Variants in TECPR2 observed in about 807,000 individuals in gnomAD.
TECPR2 encodes the protein tectonin beta-propeller repeat-containing protein 2.
Under a neutral mutation model 138.1 loss-of-function variants are expected in TECPR2, and 65 were observed. That is an observed-to-expected ratio of 0.47 (90% confidence interval 0.39 to 0.58). TECPR2 has a LOEUF of 0.58. Ranked by LOEUF, TECPR2 falls within the 20% of genes least tolerant of loss-of-function variation. TECPR2 has a pLI of 0.00. For missense variants in TECPR2, 1,553 were observed against 1,824.5 expected (o/e 0.85, Z 2.71); for synonymous variants, 746 against 749.8 (o/e 0.99, Z 0.08).
chr14:102,408,993 G>C (rs760590844), intron 4 of TECPR2, among the ~76,000 whole-genome samples: 34 of 152,346 alleles, frequency 2.2e-4, no homozygotes, highest in Non-Finnish European at 3.8e-4. Context: ...CCTGGCCTGT[G>C]TGAGATGACC....
chr14:102,433,443 G>A (rs565747602), intron 8 of TECPR2, among the ~76,000 whole-genome samples: 6 of 151,982 alleles, frequency 3.9e-5, no homozygotes, highest in Non-Finnish European at 8.8e-5. Flanking sequence ...TTAGGATTAC[G>A]GCCAGCGGTT....
In TECPR2 at chr14:102,443,845, A is replaced by T; in HGVS notation, c.2933+18A>T. ...ATTGTCAGGTACTGGCGGGCCAGAG[A>T]CTCCTTTCACATCGTGCTTGTCCTA... On this transcript the variant is annotated intron_variant, in intron 12 of 19. Transcript: ENST00000359520. The surrounding 1 kb of genome is among the most constrained non-coding windows in gnomAD (Gnocchi z 4.9). 6.5e-7 allele frequency: 1 copy of T among 1,534,560 alleles called. No homozygotes were observed. The highest frequency in any genetic ancestry group is 8.9e-7 in the Non-Finnish European group (1 of 1,128,542).
chr14:102,495,998 G>T (rs1172756163), intron 17 of TECPR2, among the ~76,000 whole-genome samples: 1 of 152,256 alleles, frequency 6.6e-6, no homozygotes, highest in African/African-American at 2.4e-5. Flanking sequence ...TGTGCGGCCA[G>T]AGTGTGGCAC....
At chr14:102,377,186 C>T (rs752155687) in intron 2 of TECPR2, among the ~76,000 whole-genome samples, 3 of 152,186 alleles carry the variant, frequency 2.0e-5, no homozygotes, top group Admixed American at 6.5e-5. Flanking sequence ...GACAGCGTCT[C>T]GCTCTGTTGT....
chr14:102,416,224 C>T (rs548505509), intron 5 of TECPR2, among the ~76,000 whole-genome samples: 56 of 152,126 alleles, frequency 3.7e-4, no homozygotes, highest in Non-Finnish European at 7.1e-4. Context: ...TGGGTTCAAG[C>T]GATTCTCCTG....
chr14:102,408,504 T>TC lies in TECPR2; in HGVS notation c.366dup (p.Thr123HisfsTer7). The TC allele has an allele frequency of 6.2e-7, 1 of 1,605,140 alleles. No individual in the cohort carries two copies. Among genetic ancestry groups the TC allele is most frequent in the South Asian group, 1.1e-5 (1 of 88,582 alleles). ...TGTTCATAGCTTCGGAGATTTGATG[T>TC]CACTGGTATTCACAAAAATAGCATT... On this transcript the variant is annotated frameshift_variant, in exon 4 of 20. Coordinates refer to ENST00000359520, the MANE Select transcript of TECPR2 (RefSeq NM_014844.5). LOFTEE classifies it high-confidence loss of function.
At chr14:102,451,701 C>T (rs557797728) in intron 15 of TECPR2, among the ~76,000 whole-genome samples, 2 of 152,284 alleles carry the variant, frequency 1.3e-5, no homozygotes, top group East Asian at 1.9e-4. Flanking sequence ...AATTCCAAAA[C>T]GTGGCCACAA....
At chr14:102,452,857 C>T (rs1358370881) in intron 16 of TECPR2, among the ~76,000 whole-genome samples, 2 of 152,266 alleles carry the variant, frequency 1.3e-5, no homozygotes, top group African/African-American at 2.4e-5. Flanking sequence ...TGTCAGAACC[C>T]GAGGAGGGTG....
In TECPR2 at chr14:102,443,657, G is replaced by C; in HGVS notation, c.2763G>C (p.Val921=). The change falls in exon 12 of 20, where the codon GTG becomes GTC. Residue 921 remains valine (V), a synonymous_variant. Transcript: ENST00000359520. The surrounding 1 kb of genome is among the most constrained non-coding windows in gnomAD (Gnocchi z 4.9). ...GDLYLQTGLS[V]DRPCARAVKV... Reference sequence around the variant, plus strand: ...CCATCTTCCTGGCAGGTCTGAGCGTGGATCGCCCTTGTGCCAGAGCCGTAA... The same window carrying C: ...CCATCTTCCTGGCAGGTCTGAGCGTCGATCGCCCTTGTGCCAGAGCCGTAA... 6.3e-7 allele frequency: 1 copy of C among 1,591,262 alleles called. No individual in the cohort carries two copies. Among genetic ancestry groups the C allele is most frequent in the Non-Finnish European group, 8.6e-7 (1 of 1,163,512 alleles).
At chr14:102,412,243 C>T (rs983498332) in intron 4 of TECPR2, among the ~76,000 whole-genome samples, 1 of 151,694 alleles carries the variant, frequency 6.6e-6, no homozygotes, top group Non-Finnish European at 1.5e-5. Context: ...GTGATTCCCC[C>T]ACCTTGGCCT....
In TECPR2 at chr14:102,452,519, C is replaced by G; in HGVS notation, c.3532C>G (p.Gln1178Glu). ...EAEMRAYAAC[Q>E]DALWALDSLG... ...CGAGATGCGCGCCTATGCCGCCTGC[C>G]AGGATGCGCTGTGGGCGCTGGACAG... The change falls in exon 16 of 20, where the codon CAG (glutamine) becomes GAG (glutamate). Residue 1178 changes from glutamine to glutamate, a missense_variant. Transcript: ENST00000359520. The G allele has an allele frequency of 6.2e-7, 1 of 1,612,706 alleles. No individual in the cohort carries two copies. Among genetic ancestry groups the G allele is most frequent in the Non-Finnish European group, 8.5e-7 (1 of 1,179,742 alleles).
At chr14:102,403,680 A>C (rs1185126319) in intron 2 of TECPR2, among the ~76,000 whole-genome samples, 1 of 152,242 alleles carries the variant, frequency 6.6e-6, no homozygotes, top group Non-Finnish European at 1.5e-5. Context: ...ACATAGTAGC[A>C]GCATACAAAG....
At chr14:102,396,264 G>C (rs368064805) in intron 2 of TECPR2, among the ~76,000 whole-genome samples, 1 of 151,964 alleles carries the variant, frequency 6.6e-6, no homozygotes, top group Non-Finnish European at 1.5e-5. Flanking sequence ...CACCACGCCA[G>C]GCTAGTTTTT....
intron 17 of TECPR2, among the ~76,000 whole-genome samples, chr14:102,492,640 G>A (rs1210019275): frequency 3.9e-5 from 6 of 152,240 alleles, no homozygotes; most frequent in Non-Finnish European, 8.8e-5. Flanking sequence ...CTGGGCAGAC[G>A]TGGCCTCCTC....
chr14:102,397,962 A>G (rs1441444392), intron 2 of TECPR2, among the ~76,000 whole-genome samples: 1 of 150,848 alleles, frequency 6.6e-6, no homozygotes, highest in African/African-American at 2.4e-5. Flanking sequence ...AGTCTCAGCT[A>G]CTCAGGAGGC....
chr14:102,423,416 A>G (rs1889236232), intron 5 of TECPR2, among the ~76,000 whole-genome samples: 1 of 152,074 alleles, frequency 6.6e-6, no homozygotes, highest in Admixed American at 6.5e-5. Context: ...CATCCTGGAC[A>G]ACAAGAGCAA....
chr14:102,417,405 C>T (rs560858584), intron 5 of TECPR2, among the ~76,000 whole-genome samples: 1 of 152,292 alleles, frequency 6.6e-6, no homozygotes, highest in Non-Finnish European at 1.5e-5. Context: ...GGCCTCTGCC[C>T]TCAAACACAA....
At chr14:102,480,849 T>G (rs1236421608) in intron 17 of TECPR2, among the ~76,000 whole-genome samples, 3 of 123,198 alleles carry the variant, frequency 2.4e-5, no homozygotes, top group South Asian at 2.9e-4. Context: ...GGGTTTTTTT[T>G]TTTTTTTTTT....
intron 1 of TECPR2, among the ~76,000 whole-genome samples, chr14:102,374,878 T>C (rs937013131): frequency 2.0e-5 from 3 of 152,174 alleles, no homozygotes; most frequent in African/African-American, 7.2e-5. Flanking sequence ...AAATACTTGC[T>C]GAATGCCTCT....
Sources: gnomAD v4.1 joint callset for allele counts (sites outside exome capture counted in the v4.1 genomes callset) on GRCh38, gnomAD v4.1.1 for gene constraint, Gnocchi (gnomAD v3.1) non-coding constraint, MANE v1.5 for transcripts, NCBI Gene and HGNC (gene_info 2026-07-23, HGNC 2026-07-21) for gene names.